TSSK1B: variants seen among roughly 807,000 people sequenced by gnomAD.
The protein encoded by TSSK1B is testis-specific serine/threonine-protein kinase 1.
In TSSK1B, 2 loss-of-function variants were observed where a neutral mutation model predicts 4.0. The observed-to-expected ratio is 0.50, with a 90% CI of 0.20 to 1.57. TSSK1B has a LOEUF of 1.57. Ranked by LOEUF, TSSK1B falls within the 40% of genes most tolerant of loss-of-function variation. The pLI, the probability that TSSK1B is intolerant of heterozygous loss-of-function variation, is 0.22. For synonymous variants in TSSK1B, 198 were observed against 200.7 expected, an observed-to-expected ratio of 0.99 and a Z score of 0.11; for missense variants, 488 against 495.1, an observed-to-expected ratio of 0.99 and a Z score of 0.14.
Position 113,433,283 on chromosome 5 carries a change from C to A in TSSK1B, c.*453G>T, listed in dbSNP as rs1457786788. Reference sequence around the variant, plus strand: ...CCGTCCAGCCCCACCCAACCCCCAACCCAGCCTGGTCCCCTGACCCTCAGT... The same window carrying A: ...CCGTCCAGCCCCACCCAACCCCCAAACCAGCCTGGTCCCCTGACCCTCAGT... On this transcript the variant is annotated 3_prime_UTR_variant, in exon 1 of 1. Transcript: ENST00000390666. 2.3e-5 allele frequency: 5 copies of A among 215,284 alleles called. No individual in the cohort carries two copies. The highest frequency in any genetic ancestry group is 1.6e-3 in the Middle Eastern group (1 of 640). The allele number at this position is 215,284 out of a possible 1,614,324, so 13.3% of individuals were successfully genotyped here. A position where few individuals can be genotyped will look rare whatever the true frequency, so the allele number is the denominator to read the frequency against.
In TSSK1B at chr5:113,433,633, G is replaced by T. The variant is rs1306363862; in HGVS notation, c.*103C>A. 5.9e-6 allele frequency: 8 copies of T among 1,350,588 alleles called. No homozygotes were observed. Among genetic ancestry groups the T allele is most frequent in the Middle Eastern group, 2.0e-4 (1 of 5,024 alleles). 83.7% of individuals were successfully genotyped at this position (1,350,588 alleles called of 1,614,324 possible). A position where few individuals can be genotyped will look rare whatever the true frequency, so the allele number is the denominator to read the frequency against. Reference sequence around the variant, plus strand: ...GAGAGAAGAAGCTGATGAAAATAGAGGCTCATCTGGGACTGCCTTCCTTCT... The same window carrying T: ...GAGAGAAGAAGCTGATGAAAATAGATGCTCATCTGGGACTGCCTTCCTTCT... On this transcript the variant is annotated 3_prime_UTR_variant, in exon 1 of 1. Transcript: ENST00000390666.
At position 113,434,380 on chromosome 5, in the gene TSSK1B, C is replaced by T. The variant is rs748523386; in HGVS notation, c.460G>A (p.Asp154Asn). 15 of 1,613,732 alleles carry T rather than the reference C, an allele frequency of 9.3e-6. No homozygotes were observed. The highest frequency in any genetic ancestry group is 1.2e-5 in the Non-Finnish European group (14 of 1,179,962). ...LDKDFNIKLS[D>N]FSFSKRCLRD... ...AGGCAGCGCTTGGAGAAGCTGAAGT[C>T]GGACAGCTTGATGTTGAAGTCCTTG... The change falls in exon 1 of 1, where the codon GAC (aspartate) becomes AAC (asparagine). Residue 154 changes from aspartate (D) to asparagine (N), a missense_variant. Coordinates refer to ENST00000390666, the MANE Select transcript of TSSK1B (RefSeq NM_032028.4). The surrounding 1 kb of genome is among the most constrained non-coding windows in gnomAD (Gnocchi z 4.2).
Position 113,433,764 on chromosome 5 carries a change from TG to T in TSSK1B, c.1075del (p.Gln359AsnfsTer43), listed in dbSNP as rs747842861. The T allele has an allele frequency of 1.2e-6, 2 of 1,613,450 alleles. No individual in the cohort carries two copies. The highest frequency in any genetic ancestry group is 1.1e-5 in the South Asian group (1 of 91,014). On this transcript the variant is annotated frameshift_variant, in exon 1 of 1. Transcript: ENST00000390666. LOFTEE classifies it high-confidence loss of function. The part of the protein sequence containing the change: ...STMETEEGPP[Q>X]QPPETRAQ ...CTGGGCCCGCGTCTCTGGAGGCTGTTGGGGGGGCCCTTCCTCTGTCTCCATA... is the reference window on the plus strand; with the variant it reads ...CTGGGCCCGCGTCTCTGGAGGCTGTTGGGGGGCCCTTCCTCTGTCTCCATA...
Position 113,434,008 on chromosome 5 carries a change from C to A in TSSK1B, c.832G>T (p.Gly278Ter). Reference protein sequence around the residue: ...SHCWMQPKARGSPSVAINKEG... With the variant: ...SHCWMQPKAR ...TTGTTGATGGCCACAGAGGGAGATC[C>A]CCGTGCCTTGGGCTGCATCCAGCAG... The change falls in exon 1 of 1, where the codon GGA becomes TGA. Residue 278 changes from glycine (G) to a stop codon, truncating the protein, a stop_gained. Transcript: ENST00000390666. LOFTEE classifies it low-confidence loss of function (END_TRUNC). This position sits in a 1 kb window ranked among gnomAD's most constrained non-coding sequence, Gnocchi z 4.2. 2 of 1,614,006 alleles carry A rather than the reference C, an allele frequency of 1.2e-6. No homozygotes were observed. The highest frequency in any genetic ancestry group is 2.2e-5 in the South Asian group (2 of 91,076).
chr5:113,434,104 T>C lies in TSSK1B; in HGVS notation c.736A>G (p.Lys246Glu). The C allele has an allele frequency of 6.2e-7, 1 of 1,614,216 alleles. No individual in the cohort carries two copies. The highest frequency in any genetic ancestry group is 8.5e-7 in the Non-Finnish European group (1 of 1,180,028). Residue 246 changes from lysine to glutamate, a missense_variant, in exon 1 of 1, where the codon AAG becomes GAG. By Grantham distance (56) the Lys-to-Glu change is moderately conservative. Coordinates refer to ENST00000390666, the MANE Select transcript of TSSK1B (RefSeq NM_032028.4). The surrounding 1 kb of genome is among the most constrained non-coding windows in gnomAD (Gnocchi z 4.2). The stretch of plus-strand genomic sequence containing the variant: ...TGCAGCATGTGGTAGATGAGGTCCT[T>C]GCACTCGCCTGTCAGGTGCTTGGAG... ...PRSKHLTGEC[K>E]DLIYHMLQPD...
rs200685350 is a variant in TSSK1B, at chr5:113,434,218, T to C, written c.622A>G (p.Ile208Val). ...TAGGGCATGGAGCCGCAGACCATGA[T>C]GTAGAGGATCACGCCTAGGCTCCAG... ...DIWSLGVILY[I>V]MVCGSMPYDD... is the part of the protein sequence containing the mutation. The change falls in exon 1 of 1, where the codon ATC becomes GTC. Residue 208 changes from isoleucine to valine, a missense_variant. Ile to Val is a conservative substitution (Grantham distance 29, BLOSUM62 3). Transcript: ENST00000390666. The surrounding 1 kb of genome is among the most constrained non-coding windows in gnomAD (Gnocchi z 4.2). 10 of 1,613,918 alleles carry C rather than the reference T, an allele frequency of 6.2e-6. No individual in the cohort carries two copies. The highest frequency in any genetic ancestry group is 3.3e-5 in the South Asian group (3 of 91,076).
At position 113,434,712 on chromosome 5, in the gene TSSK1B, A is replaced by G; in HGVS notation, c.128T>C (p.Ile43Thr). The G allele has an allele frequency of 1.2e-6, 2 of 1,614,088 alleles. No individual in the cohort carries two copies. Among genetic ancestry groups the G allele is most frequent in the Non-Finnish European group, 1.7e-6 (2 of 1,179,952 alleles). The stretch of plus-strand genomic sequence containing the variant: ...GTCTGCGGGGGCCTTCTTGCGGTCG[A>G]TGATCTTGATCGCCACATTGAACTT... ...RLKFNVAIKI[I>T]DRKKAPADFL... Residue 43 changes from isoleucine (I) to threonine (T), a missense_variant, in exon 1 of 1, where the codon ATC becomes ACC. By Grantham distance (89) the Ile-to-Thr change is moderately conservative (BLOSUM62 -1). Coordinates refer to ENST00000390666, the MANE Select transcript of TSSK1B (RefSeq NM_032028.4). This position sits in a 1 kb window ranked among gnomAD's most constrained non-coding sequence, Gnocchi z 4.2.
Position 113,433,532 on chromosome 5 carries a change from C to T in TSSK1B, c.*204G>A. ...GGGAGTAGGAGTCGCACGACTGTCT[C>T]AGCCTTGGATTTGACTTTGGCCTCA... On this transcript the variant is annotated 3_prime_UTR_variant, in exon 1 of 1. Transcript: ENST00000390666. 1.5e-6 allele frequency: 1 copy of T among 647,200 alleles called. No individual in the cohort carries two copies. The highest frequency in any genetic ancestry group is 2.0e-5 in the South Asian group (1 of 50,210). The allele number at this position is 647,200 out of a possible 1,614,324, so 40.1% of individuals were successfully genotyped here.
rs1056696244 is a variant in TSSK1B at position 113,432,605 on chromosome 5, A to G, written c.*1131T>C. 7.2e-5 allele frequency: 11 copies of G among 152,236 alleles called. No individual in the cohort carries two copies. The highest frequency in any genetic ancestry group is 4.4e-5 in the Non-Finnish European group (3 of 68,048). 9.4% of individuals were successfully genotyped at this position (152,236 alleles called of 1,614,324 possible). Reference sequence around the variant, plus strand: ...ATAAAGAAACTGAGACATATAGATTAACCAACTTGCCCAAGATCATTTAGT... The same window carrying G: ...ATAAAGAAACTGAGACATATAGATTGACCAACTTGCCCAAGATCATTTAGT... On this transcript the variant is annotated 3_prime_UTR_variant, in exon 1 of 1. Coordinates refer to ENST00000390666, the MANE Select transcript of TSSK1B (RefSeq NM_032028.4).
rs1386250784 is a variant in TSSK1B, at chr5:113,432,760, AAAAAAT to A, written c.*970_*975del. 6.6e-6 allele frequency: 1 copy of A among 152,238 alleles called. No individual in the cohort carries two copies. Among genetic ancestry groups the A allele is most frequent in the African/African-American group, 2.4e-5 (1 of 41,454 alleles). The allele number at this position is 152,238 out of a possible 1,614,324, so 9.4% of individuals were successfully genotyped here. The stretch of plus-strand genomic sequence containing the variant: ...GCATTTAAATAAAAAGTTGATAAGG[AAAAAAT>A]AAAAATAAAACATTTTCCTTTGTAA... On this transcript the variant is annotated 3_prime_UTR_variant, in exon 1 of 1. Transcript: ENST00000390666.
chr5:113,434,711 G>A lies in TSSK1B; in HGVS notation c.129C>T (p.Ile43=), dbSNP rs752063912. The change falls in exon 1 of 1, where the codon ATC becomes ATT. Residue 43 remains isoleucine (I), a synonymous_variant. Transcript: ENST00000390666. This position sits in a 1 kb window ranked among gnomAD's most constrained non-coding sequence, Gnocchi z 4.2. ...RLKFNVAIKI[I]DRKKAPADFL... is the part of the protein sequence containing the mutation. ...AGTCTGCGGGGGCCTTCTTGCGGTCGATGATCTTGATCGCCACATTGAACT... is the reference window on the plus strand; with the variant it reads ...AGTCTGCGGGGGCCTTCTTGCGGTCAATGATCTTGATCGCCACATTGAACT... 35 of 1,613,992 alleles carry A rather than the reference G, an allele frequency of 2.2e-5. No homozygotes were observed. Among genetic ancestry groups the A allele is most frequent in the Middle Eastern group, 3.3e-4 (2 of 6,084 alleles).
Position 113,433,032 on chromosome 5 carries a change from A to T in TSSK1B, c.*704T>A, listed in dbSNP as rs1770708605. The T allele has an allele frequency of 6.6e-6, 1 of 152,234 alleles. No individual in the cohort carries two copies. Among genetic ancestry groups the T allele is most frequent in the South Asian group, 2.1e-4 (1 of 4,838 alleles). The allele number at this position is 152,234 out of a possible 1,614,324, so 9.4% of individuals were successfully genotyped here. ...TTTCCTCCCATTTTCTCCAGTTGCC[A>T]TGCTACTCCTGAGGATCTAGGATAA... is the stretch of plus-strand genomic sequence containing the variant. On this transcript the variant is annotated 3_prime_UTR_variant, in exon 1 of 1. Transcript: ENST00000390666.
rs543865041 is a variant in TSSK1B, at chr5:113,432,950, A to T, written c.*786T>A. ...TGAACAGGAGAAAGCCAGTAGAGAT[A>T]AGAAAAATCAAAACTGAATAAACTT... On this transcript the variant is annotated 3_prime_UTR_variant, in exon 1 of 1. Transcript: ENST00000390666. 44 of 152,354 alleles carry T rather than the reference A, an allele frequency of 2.9e-4. No homozygotes were observed. The highest frequency in any genetic ancestry group is 1.1e-3 in the African/African-American group (44 of 41,580). The allele number at this position is 152,354 out of a possible 1,614,324, so 9.4% of individuals were successfully genotyped here. A position where few individuals can be genotyped will look rare whatever the true frequency, so the allele number is the denominator to read the frequency against.
Position 113,434,256 on chromosome 5 carries a change from T to C in TSSK1B, c.584A>G (p.Lys195Arg). ...GCCTAGGCTCCAGATGTCGTACACC[T>C]TGGGCTGGTAGGGAATGCCCTGCAG... ...EVLQGIPYQP[K>R]VYDIWSLGVI... The change falls in exon 1 of 1, where the codon AAG (lysine) becomes AGG (arginine). Residue 195 changes from lysine (K) to arginine (R), a missense_variant. Lys to Arg is a conservative substitution (Grantham distance 26). Coordinates refer to ENST00000390666, the MANE Select transcript of TSSK1B (RefSeq NM_032028.4). This position sits in a 1 kb window ranked among gnomAD's most constrained non-coding sequence, Gnocchi z 4.2. The C allele has an allele frequency of 6.2e-7, 1 of 1,614,142 alleles. No homozygotes were observed. Among genetic ancestry groups the C allele is most frequent in the Non-Finnish European group, 8.5e-7 (1 of 1,179,998 alleles).
In TSSK1B at chr5:113,434,067, T is replaced by A; in HGVS notation, c.773A>T (p.Asn258Ile). ...GATCTCGTCGATGTGGAGCCGCCGG[T>A]TGACGTCGGGCTGCAGCATGTGGTA... ...LIYHMLQPDV[N>I]RRLHIDEILS... Residue 258 changes from asparagine to isoleucine, a missense_variant, in exon 1 of 1, where the codon AAC (asparagine) becomes ATC (isoleucine). Physicochemically the swap from Asn to Ile is moderately radical, Grantham distance 149. Transcript: ENST00000390666. The surrounding 1 kb of genome is among the most constrained non-coding windows in gnomAD (Gnocchi z 4.2). The A allele has an allele frequency of 6.2e-7, 1 of 1,614,130 alleles. No individual in the cohort carries two copies. The highest frequency in any genetic ancestry group is 1.1e-5 in the South Asian group (1 of 91,086).
chr5:113,434,266 A>G lies in TSSK1B; in HGVS notation c.574T>C (p.Tyr192His). ...AAPEVLQGIPYQPKVYDIWSL... is the reference protein window; with the variant it reads ...AAPEVLQGIPHQPKVYDIWSL... ...CAGATGTCGTACACCTTGGGCTGGT[A>G]GGGAATGCCCTGCAGCACCTCTGGG... The change falls in exon 1 of 1, where the codon TAC becomes CAC. Residue 192 changes from tyrosine to histidine, a missense_variant. Coordinates refer to ENST00000390666, the MANE Select transcript of TSSK1B (RefSeq NM_032028.4). This position sits in a 1 kb window ranked among gnomAD's most constrained non-coding sequence, Gnocchi z 4.2. The G allele has an allele frequency of 6.2e-7, 1 of 1,614,178 alleles. No homozygotes were observed. Among genetic ancestry groups the G allele is most frequent in the East Asian group, 2.2e-5 (1 of 44,880 alleles).
At position 113,434,830 on chromosome 5, in the gene TSSK1B, C is replaced by T. The variant is rs200485378; in HGVS notation, c.10G>A (p.Ala4Thr). ...TAGCCTCGTCGCTTGAGGACAGCAG[C>T]GTCATCCATGGTGCCAGGAATGCCC... Reference protein sequence around the residue: MDDAAVLKRRGYLL... With the variant: MDDTAVLKRRGYLL... Residue 4 changes from alanine to threonine, a missense_variant, in exon 1 of 1, where the codon GCT (alanine) becomes ACT (threonine). By Grantham distance (58) the Ala-to-Thr change is moderately conservative. Coordinates refer to ENST00000390666, the MANE Select transcript of TSSK1B (RefSeq NM_032028.4). The surrounding 1 kb of genome is among the most constrained non-coding windows in gnomAD (Gnocchi z 4.2). 3.6e-4 allele frequency: 586 copies of T among 1,606,794 alleles called. No individual in the cohort carries two copies. Among genetic ancestry groups the T allele is most frequent in the Middle Eastern group, 5.1e-4 (3 of 5,902 alleles).
chr5:113,434,143 C>G lies in TSSK1B; in HGVS notation c.697G>C (p.Val233Leu), dbSNP rs55940513. Residue 233 changes from valine to leucine, a missense_variant, in exon 1 of 1, where the codon GTC (valine) becomes CTC (leucine). Physicochemically the swap from Val to Leu is conservative, Grantham distance 32. Coordinates refer to ENST00000390666, the MANE Select transcript of TSSK1B (RefSeq NM_032028.4). This position sits in a 1 kb window ranked among gnomAD's most constrained non-coding sequence, Gnocchi z 4.2. ...AGGTGCTTGGAGCGTGGGAAGTTGACGCGGTGCTCCTTCTGGATACGCAGC... is the reference window on the plus strand; with the variant it reads ...AGGTGCTTGGAGCGTGGGAAGTTGAGGCGGTGCTCCTTCTGGATACGCAGC... ...KMLRIQKEHR[V>L]NFPRSKHLTG... is the part of the protein sequence containing the mutation. The G allele has an allele frequency of 2.9e-3, 4,615 of 1,614,144 alleles. 96 individuals are homozygous for G. In the East Asian group the frequency reaches 0.046, roughly 16 times the overall value.
chr5:113,434,124 T>C lies in TSSK1B; in HGVS notation c.716A>G (p.Lys239Arg). The change falls in exon 1 of 1, where the codon AAG becomes AGG. Residue 239 changes from lysine to arginine, a missense_variant. Physicochemically the swap from Lys to Arg is conservative, Grantham distance 26. Coordinates refer to ENST00000390666, the MANE Select transcript of TSSK1B (RefSeq NM_032028.4). This position sits in a 1 kb window ranked among gnomAD's most constrained non-coding sequence, Gnocchi z 4.2. ...KEHRVNFPRS[K>R]HLTGECKDLI... ...GTCCTTGCACTCGCCTGTCAGGTGC[T>C]TGGAGCGTGGGAAGTTGACGCGGTG... The C allele has an allele frequency of 6.2e-7, 1 of 1,614,164 alleles. No individual in the cohort carries two copies. Among genetic ancestry groups the C allele is most frequent in the Non-Finnish European group, 8.5e-7 (1 of 1,180,004 alleles).
Sources: gnomAD v4.1 joint callset for allele counts on GRCh38, gnomAD v4.1.1 for gene constraint, Gnocchi (gnomAD v3.1) non-coding constraint, MANE v1.5 for transcripts, NCBI Gene and HGNC (gene_info 2026-07-23, HGNC 2026-07-21) for gene names.